Variants in GNAS observed in about 807,000 individuals in gnomAD.
GNAS encodes the protein protein ALEX.
In GNAS, 8 loss-of-function variants were observed where a neutral mutation model predicts 54.5. The ratio of observed to expected loss-of-function variants is 0.15; its 90% CI spans 0.09 to 0.26. The LOEUF is 0.26. Ranked by LOEUF, GNAS falls within the 10% of genes least tolerant of loss-of-function variation. GNAS has a pLI of 1.00. For synonymous variants in GNAS, 204 were observed against 191.4 expected, an observed-to-expected ratio of 1.07 and a Z score of -0.54; for missense variants, 170 against 529.8, an observed-to-expected ratio of 0.32 and a Z score of 6.67.
At chr20:58,859,479 G>A (rs1395788036) in intron 1 of GNAS, among the ~76,000 whole-genome samples, 3 of 152,020 alleles carry the variant, frequency 2.0e-5, no homozygotes, top group Non-Finnish European at 4.4e-5. Context: ...TTACAGGCAT[G>A]AGCCACTGTG....
At position 58,891,537 on chromosome 20, in the gene GNAS, T is replaced by C. The variant is rs1163146601; in HGVS notation, c.-190T>C. The C allele has an allele frequency of 8.2e-6, 8 of 970,946 alleles. No individual in the cohort carries two copies. The African/African-American group carries it at 1.3e-4, about 16-fold the overall frequency. The allele number at this position is 970,946 out of a possible 1,614,324, so 60.1% of individuals were successfully genotyped here. A position where few individuals can be genotyped will look rare whatever the true frequency, so the allele number is the denominator to read the frequency against. ...GCGCCCCTCGGTCCGACCGACACCC[T>C]CCCCTTCCCGCCCGTCCGCGCGCCC... On this transcript the variant is annotated 5_prime_UTR_variant, in exon 1 of 13. Coordinates refer to ENST00000371085, the MANE Select transcript of GNAS (RefSeq NM_000516.7).
At chr20:58,839,975 G>T (rs1018431016), upstream of GNAS, 2 of 933,168 alleles carry the variant, frequency 2.1e-6, no homozygotes, top group Non-Finnish European at 3.3e-6. Context: ...ACAAGGAGGT[G>T]AGGCTGGGAC....
chr20:58,895,940 G>A (rs2090005027), intron 2 of GNAS, among the ~76,000 whole-genome samples: 1 of 151,544 alleles, frequency 6.6e-6, no homozygotes, highest in Non-Finnish European at 1.5e-5. Context: ...CAAGAAAATC[G>A]TGCCTGGTTG....
intron 1 of GNAS, among the ~76,000 whole-genome samples, chr20:58,864,532 G>GA (rs1185027274): frequency 6.6e-6 from 1 of 152,160 alleles, no homozygotes. Flanking sequence ...ACTGGCTCTA[G>GA]AAGGGCCCAA....
chr20:58,840,287 C>T, upstream of GNAS: 1 of 1,612,446 alleles, frequency 6.2e-7, no homozygotes, highest in Non-Finnish European at 8.5e-7. This position sits in a 1 kb window ranked among gnomAD's most constrained non-coding sequence, Gnocchi z 6.0. Context: ...TGCCCAACAG[C>T]GCCGGAGCTT....
chr20:58,895,851 C>T (rs1367024150), intron 2 of GNAS, among the ~76,000 whole-genome samples, 167 bp downstream of exon 2: 2 of 152,044 alleles, frequency 1.3e-5, no homozygotes, highest in South Asian at 2.1e-4. Flanking sequence ...GGTCCCTCAC[C>T]CCCCACCCCC....
intron 3 of GNAS, among the ~76,000 whole-genome samples, chr20:58,901,958 A>T (rs1376400050): frequency 6.6e-6 from 1 of 150,980 alleles, no homozygotes; most frequent in Non-Finnish European, 1.5e-5. Context: ...TAGTCTGGAG[A>T]GATTATATGT....
rs1202019639 is a variant in GNAS at position 58,873,778 on chromosome 20, GAC to G, written c.44-21831_44-21830del. Among the ~76,000 whole-genome samples, 1 of 152,146 alleles carries G rather than the reference GAC, an allele frequency of 6.6e-6. No individual in the cohort carries two copies. The highest frequency in any genetic ancestry group is 2.4e-5 in the African/African-American group (1 of 41,438). ...CCCCGTGGGGAAGACAAAAGTATGA[GAC>G]ACTGCTACTCCCTTGATGGAATCAA... is the stretch of plus-strand genomic sequence containing the variant. On this transcript the variant is annotated intron_variant, in intron 1 of 12. Coordinates refer to the GNAS transcript ENST00000306090. This position sits in a 1 kb window ranked among gnomAD's most constrained non-coding sequence, Gnocchi z 4.3.
At chr20:58,854,957 C>T in intron 1 of GNAS, 1 of 1,610,792 alleles carries the variant, frequency 6.2e-7, no homozygotes, top group Non-Finnish European at 8.5e-7. Flanking sequence ...GCCGCGTGTA[C>T]TACGATGAAG....
At chr20:58,854,488 C>A in intron 1 of GNAS, 6 of 1,583,332 alleles carry the variant, frequency 3.8e-6, no homozygotes, top group Non-Finnish European at 5.1e-6. Context: ...GGGGCAACCC[C>A]AGAAGATCCC....
chr20:58,876,573 T>G (rs2145753404), intron 1 of GNAS: 1 of 152,056 alleles, frequency 6.6e-6, no homozygotes, highest in South Asian at 2.1e-4. Flanking sequence ...TAACACTCAG[T>G]GAGGAGGAGA....
chr20:58,882,837 T>C (rs934720141), intron 1 of GNAS: 1 of 152,164 alleles, frequency 6.6e-6, no homozygotes, highest in Non-Finnish European at 1.5e-5. Flanking sequence ...TGCAAAACAA[T>C]ATCCTCTTGA....
At chr20:58,902,243 G>A (rs1229143670) in intron 3 of GNAS, among the ~76,000 whole-genome samples, 1 of 152,038 alleles carries the variant, frequency 6.6e-6, no homozygotes, top group East Asian at 1.9e-4. Flanking sequence ...GTGTGTGCTG[G>A]TTCCATTTTT....
At chr20:58,907,182 C>T (rs1472115210) in intron 6 of GNAS, among the ~76,000 whole-genome samples, 2 of 152,160 alleles carry the variant, frequency 1.3e-5, no homozygotes, top group African/African-American at 4.8e-5. Flanking sequence ...TTAGGGTCTG[C>T]GCAATCTATC....
intron 2 of GNAS, among the ~76,000 whole-genome samples, chr20:58,897,088 C>A (rs2057290): frequency 6.6e-6 from 1 of 152,200 alleles, no homozygotes; most frequent in East Asian, 1.9e-4. Context: ...TCTACTTTAA[C>A]CCTGAATTCA....
At chr20:58,862,958 A>G (rs980546513) in intron 1 of GNAS, among the ~76,000 whole-genome samples, 4 of 146,164 alleles carry the variant, frequency 2.7e-5, no homozygotes, top group African/African-American at 1.0e-4. Flanking sequence ...TGGTTATTAC[A>G]CATGAAAAAA....
intron 1 of GNAS, chr20:58,892,252 A>G: frequency 2.2e-6 from 2 of 901,486 alleles, no homozygotes; most frequent in South Asian, 1.0e-4. Context: ...GGGGCTCCGG[A>G]GACTGCGACA....
rs767823238 is a variant in GNAS at position 58,841,749 on chromosome 20, G to A, written c.43+863G>A. The A allele has an allele frequency of 3.3e-6, 4 of 1,228,344 alleles. No individual in the cohort carries two copies. Among genetic ancestry groups the A allele is most frequent in the Non-Finnish European group, 4.1e-6 (4 of 986,332 alleles). 76.1% of individuals were successfully genotyped at this position (1,228,344 alleles called of 1,614,324 possible). On this transcript the variant is annotated intron_variant, in intron 1 of 12. Coordinates refer to the GNAS transcript ENST00000306090. The surrounding 1 kb of genome is among the most constrained non-coding windows in gnomAD (Gnocchi z 5.0). ...GGGTTGAACGCACAGGCATGGTCAC[G>A]TCGGGGTATTGCCAAGCTTTTGGCG...
intron 1 of GNAS, 28 bp downstream of exon 1, chr20:58,891,893 C>A: frequency 9.1e-7 from 1 of 1,098,460 alleles, no homozygotes; most frequent in South Asian, 2.3e-5. Context: ...GCGCCGGCCC[C>A]GGCCCGGGGG....
Sources: allele counts gnomAD v4.1 joint callset (sites outside exome capture counted in the v4.1 genomes callset), GRCh38; gene constraint gnomAD v4.1.1; non-coding constraint Gnocchi (gnomAD v3.1); transcripts MANE v1.5; gene names NCBI Gene and HGNC (gene_info 2026-07-23, HGNC 2026-07-21).